Variants in ANO10 observed in about 807,000 individuals in gnomAD.
The protein encoded by ANO10 is anoctamin-10.
Under a neutral mutation model 74.7 loss-of-function variants are expected in ANO10, and 77 were observed. That is an observed-to-expected ratio of 1.03 (90% confidence interval 0.86 to 1.25). ANO10 has a LOEUF of 1.25. ANO10 is among the 50% of genes most tolerant of loss of function. ANO10 has a pLI of 0.00. For missense variants in ANO10, 721 were observed against 778.1 expected, an observed-to-expected ratio of 0.93 and a Z score of 0.87; for synonymous variants, 279 against 284.9, an observed-to-expected ratio of 0.98 and a Z score of 0.21.
chr3:43,656,292 T>C (rs1404561984), intron 1 of ANO10, among the ~76,000 whole-genome samples: 10 of 152,228 alleles, frequency 6.6e-5, no homozygotes, highest in African/African-American at 2.4e-4. Flanking sequence ...CTGATTGGTG[T>C]ACTTACAATC....
intron 12 of ANO10, among the ~76,000 whole-genome samples, chr3:43,417,941 A>C (rs2092765875): frequency 6.6e-6 from 1 of 152,228 alleles, no homozygotes; most frequent in African/African-American, 2.4e-5. Flanking sequence ...CAAAGTCCAA[A>C]GAATTGTCTT....
At chr3:43,658,800 T>C (rs4432612) in intron 1 of ANO10, among the ~76,000 whole-genome samples, 131,028 of 152,122 alleles carry the variant, frequency 0.86, 56,591 homozygotes, top group African/African-American at 0.92. Context: ...TTATGTAAGG[T>C]TCAAGACGAG....
At chr3:43,502,887 A>G (rs2077149725) in intron 11 of ANO10, among the ~76,000 whole-genome samples, 1 of 152,204 alleles carries the variant, frequency 6.6e-6, no homozygotes, top group African/African-American at 2.4e-5. Flanking sequence ...AGTCAAAATC[A>G]TAAAGACAGA....
chr3:43,667,026 G>T (rs2083999942), intron 1 of ANO10, among the ~76,000 whole-genome samples: 1 of 138,712 alleles, frequency 7.2e-6, no homozygotes. Context: ...CTTGTTTTTT[G>T]ACCCTTTCTT....
intron 4 of ANO10, among the ~76,000 whole-genome samples, chr3:43,595,239 G>C (rs1446074032): frequency 6.6e-6 from 1 of 152,158 alleles, no homozygotes; most frequent in East Asian, 1.9e-4. Flanking sequence ...TAGAAAAAGA[G>C]GGAATCCTCC....
At chr3:43,530,969 A>G (rs17075773) in intron 11 of ANO10, among the ~76,000 whole-genome samples, 3,606 of 152,292 alleles carry the variant, frequency 0.024, 145 homozygotes, top group African/African-American at 0.081. Flanking sequence ...AGAATATTCA[A>G]AAACCTAATC....
intron 12 of ANO10, among the ~76,000 whole-genome samples, chr3:43,423,043 C>T (rs1339934849): frequency 4.0e-5 from 6 of 151,044 alleles, no homozygotes; most frequent in Non-Finnish European, 4.4e-5. Context: ...TTCTTTCTTG[C>T]GTGATTTGGG....
chr3:43,432,944 C>CTTTTTTTTTTTTATTTTT (rs2093009007), intron 11 of ANO10, among the ~76,000 whole-genome samples: 1 of 55,276 alleles, frequency 1.8e-5, no homozygotes, highest in Admixed American at 3.1e-4. Flanking sequence ...TTGCTTAATT[C>CTTTTTTTTTTTTATTTTT]TTTTTTTTTT....
intron 1 of ANO10, among the ~76,000 whole-genome samples, chr3:43,672,114 C>T (rs1378942658): frequency 6.6e-6 from 1 of 152,194 alleles, no homozygotes. Flanking sequence ...TTACTTTCCA[C>T]AAAAGAGTAC....
rs904271838 is a variant in ANO10 at position 43,366,669 on chromosome 3, C to G, written c.*237G>C. ...GGCAGCTGGAGCAGCGTGTGGGGCC[C>G]GGGAAGGAACTGGGAAGGAGCAGAC... is the stretch of plus-strand genomic sequence containing the variant. On this transcript the variant is annotated 3_prime_UTR_variant, in exon 13 of 13. Transcript: ENST00000292246. The G allele has an allele frequency of 3.4e-6, 2 of 586,456 alleles. No homozygotes were observed. Among genetic ancestry groups the G allele is most frequent in the African/African-American group, 3.7e-5 (2 of 53,448 alleles). 36.3% of individuals were successfully genotyped at this position (586,456 alleles called of 1,614,324 possible). A position where few individuals can be genotyped will look rare whatever the true frequency, so the allele number is the denominator to read the frequency against.
chr3:43,401,034 T>C (rs573425277), intron 12 of ANO10, among the ~76,000 whole-genome samples: 1 of 152,326 alleles, frequency 6.6e-6, no homozygotes, highest in South Asian at 2.1e-4. Flanking sequence ...AAAGTATACA[T>C]GTGTATGTAT....
chr3:43,538,854 A>T (rs1270440078), intron 11 of ANO10, among the ~76,000 whole-genome samples: 1 of 152,210 alleles, frequency 6.6e-6, no homozygotes, highest in Non-Finnish European at 1.5e-5. Flanking sequence ...AGAGGATTGG[A>T]AGTTCAATCT....
chr3:43,495,284 A>G (rs766767341), intron 11 of ANO10, among the ~76,000 whole-genome samples: 11 of 152,168 alleles, frequency 7.2e-5, no homozygotes, highest in Non-Finnish European at 1.6e-4. Context: ...GACACATAGC[A>G]AACAAAATTC....
At chr3:43,377,054 T>C (rs1238290658) in intron 12 of ANO10, among the ~76,000 whole-genome samples, 1 of 152,334 alleles carries the variant, frequency 6.6e-6, no homozygotes, top group East Asian at 1.9e-4. Context: ...AAGACTTACA[T>C]AGCATGACTT....
chr3:43,397,001 C>T (rs1050949819), intron 12 of ANO10, among the ~76,000 whole-genome samples: 1 of 151,326 alleles, frequency 6.6e-6, no homozygotes, highest in Non-Finnish European at 1.5e-5. Flanking sequence ...GTGATCTTGG[C>T]TCACTGCAAC....
intron 1 of ANO10, among the ~76,000 whole-genome samples, chr3:43,642,171 G>C (rs187532135): frequency 6.6e-6 from 1 of 152,040 alleles, no homozygotes; most frequent in African/African-American, 2.4e-5. Context: ...ACTTTTAAAA[G>C]GTTATTTAAT....
Position 43,432,682 on chromosome 3 carries a change from C to T in ANO10, c.1843G>A (p.Asp615Asn), listed in dbSNP as rs138000380. 4.9e-4 allele frequency: 794 copies of T among 1,613,904 alleles called. No homozygotes were observed. Among genetic ancestry groups the T allele is most frequent in the Non-Finnish European group, 4.9e-4 (579 of 1,179,914 alleles). ...TTCATCTGGATATGCCGTGGCTTAT[C>T]AGGTATGGCAAATGCAAGTATAAAC... ...LKFILAFAIP[D>N]KPRHIQMKLA... is the part of the protein sequence containing the mutation. The change falls in exon 12 of 13, where the codon GAT (aspartate) becomes AAT (asparagine). Residue 615 changes from aspartate (D) to asparagine (N), a missense_variant. Coordinates refer to ENST00000292246, the MANE Select transcript of ANO10 (RefSeq NM_018075.5).
intron 4 of ANO10, among the ~76,000 whole-genome samples, chr3:43,596,924 T>G (rs1420864144): frequency 6.6e-6 from 1 of 151,694 alleles, no homozygotes; most frequent in Admixed American, 6.6e-5. Context: ...CAAGAAAAAA[T>G]CAAACAACCC....
intron 11 of ANO10, among the ~76,000 whole-genome samples, chr3:43,507,720 A>C (rs1424633194): frequency 6.6e-6 from 1 of 152,118 alleles, no homozygotes; most frequent in African/African-American, 2.4e-5. Context: ...ACTGGAGAAA[A>C]TAAATATACA....
Sources: gnomAD v4.1 joint callset for allele counts (sites outside exome capture counted in the v4.1 genomes callset) on GRCh38, gnomAD v4.1.1 for gene constraint, MANE v1.5 for transcripts, NCBI Gene and HGNC (gene_info 2026-07-23, HGNC 2026-07-21) for gene names.